Variants in C1orf21 observed in about 807,000 individuals in gnomAD.
C1orf21 encodes chromosome 1 open reading frame 21.
In C1orf21, 3 loss-of-function variants were observed where a neutral mutation model predicts 18.7. The ratio of observed to expected loss-of-function variants is 0.16; its 90% CI spans 0.07 to 0.42. C1orf21 has a LOEUF of 0.42. Ranked by LOEUF, C1orf21 falls within the 10% of genes least tolerant of loss-of-function variation. The pLI is 0.99. For missense variants in C1orf21, 104 were observed against 143.6 expected (o/e 0.72, Z 1.41); for synonymous variants, 41 against 46.4 (o/e 0.88, Z 0.47).
At chr1:184,407,574 A>G (rs942752400) in intron 1 of C1orf21, among the ~76,000 whole-genome samples, 3 of 152,202 alleles carry the variant, frequency 2.0e-5, no homozygotes, top group African/African-American at 7.2e-5. Context: ...ATGAGTGCTC[A>G]TGAGTCCAGA....
At chr1:184,535,659 T>C (rs762683283) in intron 3 of C1orf21, among the ~76,000 whole-genome samples, 4 of 152,236 alleles carry the variant, frequency 2.6e-5, no homozygotes, top group South Asian at 4.1e-4. Flanking sequence ...ATGGACTTTA[T>C]CTTAGTAGGG....
chr1:184,412,150 A>G (rs1306064565), intron 1 of C1orf21: 4 of 152,214 alleles, frequency 2.6e-5, no homozygotes, highest in Non-Finnish European at 4.4e-5. Context: ...GTCAGCTAAA[A>G]CAAGGATTTT....
chr1:184,457,363 G>T (rs1293158659), intron 1 of C1orf21, among the ~76,000 whole-genome samples: 1 of 152,180 alleles, frequency 6.6e-6, no homozygotes, highest in Admixed American at 6.5e-5. Context: ...ACTGTGCTTA[G>T]CTCTGTCGTG....
chr1:184,610,406 A>G (rs1470172753), intron 5 of C1orf21, among the ~76,000 whole-genome samples: 1 of 152,202 alleles, frequency 6.6e-6, no homozygotes, highest in Non-Finnish European at 1.5e-5. Context: ...GCTCTCGGAC[A>G]TCAGTTCAGT....
chr1:184,479,601 C>A (rs1215813463), intron 2 of C1orf21, among the ~76,000 whole-genome samples: 1 of 150,294 alleles, frequency 6.7e-6, no homozygotes, highest in African/African-American at 2.4e-5. Context: ...TGCCGTGCAG[C>A]CTCCCATAGG....
At chr1:184,397,818 G>T (rs756117411) in intron 1 of C1orf21, among the ~76,000 whole-genome samples, 2 of 152,148 alleles carry the variant, frequency 1.3e-5, no homozygotes, top group African/African-American at 4.8e-5. Context: ...AAGTGTGTGC[G>T]TTAATTTGTA....
intron 1 of C1orf21, among the ~76,000 whole-genome samples, chr1:184,447,415 T>G (rs958819630): frequency 2.0e-5 from 3 of 152,196 alleles, no homozygotes; most frequent in Non-Finnish European, 4.4e-5. Flanking sequence ...GTTTCATGGC[T>G]TTTTCTTCTC....
chr1:184,389,464 C>T (rs1032613916), intron 1 of C1orf21, among the ~76,000 whole-genome samples: 3 of 152,188 alleles, frequency 2.0e-5, no homozygotes, highest in Non-Finnish European at 4.4e-5. Flanking sequence ...ACATTTATCC[C>T]TCCTCCGCCC....
intron 2 of C1orf21, among the ~76,000 whole-genome samples, chr1:184,482,948 A>G (rs1324161611): frequency 2.6e-5 from 4 of 152,264 alleles, no homozygotes; most frequent in Non-Finnish European, 5.9e-5. Context: ...ACCATGCAGA[A>G]TTAAATGCTA....
At chr1:184,457,923 CT>C (rs1383552054) in intron 1 of C1orf21, among the ~76,000 whole-genome samples, 1 of 152,178 alleles carries the variant, frequency 6.6e-6, no homozygotes, top group African/African-American at 2.4e-5. Flanking sequence ...TAAGTTCCTA[CT>C]ACGTGCTTGG....
At chr1:184,447,287 T>C (rs1035811672) in intron 1 of C1orf21, among the ~76,000 whole-genome samples, 1 of 152,238 alleles carries the variant, frequency 6.6e-6, no homozygotes, top group African/African-American at 2.4e-5. Flanking sequence ...GCGCTTTGTC[T>C]GCATATGCAA....
chr1:184,584,546 A>C (rs1558008390), intron 3 of C1orf21, among the ~76,000 whole-genome samples: 1 of 152,204 alleles, frequency 6.6e-6, no homozygotes, highest in African/African-American at 2.4e-5. Flanking sequence ...CTTACTATGT[A>C]ATCTAGCAGT....
chr1:184,407,269 C>A (rs1656262954), intron 1 of C1orf21, among the ~76,000 whole-genome samples: 8 of 152,168 alleles, frequency 5.3e-5, no homozygotes, highest in Admixed American at 5.2e-4. Flanking sequence ...GCCACCACAC[C>A]CCATACCTCC....
intron 1 of C1orf21, among the ~76,000 whole-genome samples, chr1:184,460,620 GTCTTCTTCTTCTTCTTCT>G (rs201481780): frequency 0.019 from 2,161 of 112,040 alleles, 27 homozygotes; most frequent in South Asian, 0.042. Context: ...TGTCGTCGTC[GTCTTCTTCTTCTTCTTCT>G]TCTTCTTCTT....
intron 3 of C1orf21, among the ~76,000 whole-genome samples, chr1:184,517,707 C>G (rs901423466): frequency 4.7e-4 from 72 of 152,106 alleles, no homozygotes; most frequent in Non-Finnish European, 5.9e-5. Flanking sequence ...TTGGGGACCT[C>G]TAGAGGACTG....
intron 5 of C1orf21, among the ~76,000 whole-genome samples, chr1:184,601,082 T>C (rs971854785): frequency 7.9e-5 from 12 of 152,230 alleles, no homozygotes; most frequent in Admixed American, 5.9e-4. Flanking sequence ...GTCAAATCTA[T>C]TTAGATTTTA....
chr1:184,549,308 A>G (rs1464960274), intron 3 of C1orf21, among the ~76,000 whole-genome samples: 1 of 152,232 alleles, frequency 6.6e-6, no homozygotes, highest in African/African-American at 2.4e-5. Flanking sequence ...TACATTAAAA[A>G]GTGTGACGCC....
chr1:184,420,374 G>A (rs902411924), intron 1 of C1orf21, among the ~76,000 whole-genome samples: 3 of 152,182 alleles, frequency 2.0e-5, no homozygotes, highest in Non-Finnish European at 2.9e-5. Context: ...ATTTCATTAC[G>A]TTGGCTCTGA....
Position 184,554,440 on chromosome 1 carries a change from T to TAA in C1orf21, c.190-36299_190-36298insAA, listed in dbSNP as rs1358745214. 3.3e-5 allele frequency among the ~76,000 whole-genome samples: 5 copies of TAA among 152,206 alleles called. No individual in the cohort carries two copies. In the East Asian group the frequency reaches 9.6e-4, roughly 29 times the overall value. The stretch of plus-strand genomic sequence containing the variant: ...GAAGGTAAAGAAACTATTGGGTGGT[T>TAA]TGGCTAGAGCATAGTAATTAATTGG... On this transcript the variant is annotated intron_variant, in intron 3 of 5. Transcript: ENST00000235307.
Sources: allele counts gnomAD v4.1 joint callset (sites outside exome capture counted in the v4.1 genomes callset), GRCh38; gene constraint gnomAD v4.1.1; transcripts MANE v1.5; gene names NCBI Gene and HGNC (gene_info 2026-07-23, HGNC 2026-07-21).